Variants in RAB3D observed in about 807,000 individuals in gnomAD.
RAB3D encodes ras-related protein Rab-3D.
Under a neutral mutation model 19.3 loss-of-function variants are expected in RAB3D, and 17 were observed. That is an observed-to-expected ratio of 0.88 (90% CI 0.60 to 1.32). The LOEUF (loss-of-function observed/expected upper bound fraction) is 1.32, where lower values mean the gene tolerates loss of function less well. Among genes scored for constraint, RAB3D ranks in the 40% most tolerant of loss-of-function variants. RAB3D has a pLI of 0.00. For missense variants in RAB3D, 223 were observed against 299.1 expected, an observed-to-expected ratio of 0.75 and a Z score of 1.88; for synonymous variants, 103 against 119.9, an observed-to-expected ratio of 0.86 and a Z score of 0.92.
intron 4 of RAB3D, chr19:11,327,131 A>G (rs2147966569): frequency 5.7e-6 from 2 of 350,154 alleles, no homozygotes; most frequent in Non-Finnish European, 1.0e-5. Context: ...CCCATTTATT[A>G]TCTGTCTCCG....
At chr19:11,325,786 G>A (rs1294578314) in intron 4 of RAB3D, among the ~76,000 whole-genome samples, 2 of 152,154 alleles carry the variant, frequency 1.3e-5, no homozygotes, top group African/African-American at 2.4e-5. Flanking sequence ...ATAAAAATCT[G>A]TGGCAGGCCA....
rs769088430 is a variant in RAB3D, at chr19:11,335,565, C to T, written c.354G>A (p.Thr118=). 9.3e-6 allele frequency: 15 copies of T among 1,613,928 alleles called. No individual in the cohort carries two copies. The highest frequency in any genetic ancestry group is 4.0e-5 in the African/African-American group (3 of 74,896). Residue 118 remains threonine (T), a synonymous_variant, in exon 4 of 5, where the codon ACG becomes ACA. Coordinates refer to ENST00000222120, the MANE Select transcript of RAB3D (RefSeq NM_004283.4). ...TGTCCCAGGAGTAGGTCTTGATTTGCGTGGCCCTGCAGAGTTACCAGTGGT... is the reference window on the plus strand; with the variant it reads ...TGTCCCAGGAGTAGGTCTTGATTTGTGTGGCCCTGCAGAGTTACCAGTGGT... The part of the protein sequence containing the change: ...ESFAAVQDWA[T]QIKTYSWDNA...
At chr19:11,333,080 CTTT>C (rs754729605) in intron 4 of RAB3D, among the ~76,000 whole-genome samples, 5 of 137,140 alleles carry the variant, frequency 3.6e-5, no homozygotes, top group Non-Finnish European at 3.2e-5. Flanking sequence ...AGAAATATTT[CTTT>C]TTTTTTTTTT....
chr19:11,339,133 C>G lies in RAB3D; in HGVS notation c.-62+336G>C, dbSNP rs115899725. Among the ~76,000 whole-genome samples the G allele has an allele frequency of 8.4e-3, 1,279 of 152,304 alleles. 17 individuals are homozygous for G. Among genetic ancestry groups the G allele is most frequent in the African/African-American group, 0.029 (1,205 of 41,570 alleles). On this transcript the variant is annotated intron_variant, in intron 1 of 4. Coordinates refer to ENST00000222120, the MANE Select transcript of RAB3D (RefSeq NM_004283.4). ...AGGGCAGGGCCGCAAGGCTGGGGCCCCCACCTCCCCCAGCCTTAGCTCACC... is the reference window on the plus strand; with the variant it reads ...AGGGCAGGGCCGCAAGGCTGGGGCCGCCACCTCCCCCAGCCTTAGCTCACC...
chr19:11,328,489 A>G lies in RAB3D; in HGVS notation c.473-2904T>C, dbSNP rs560911362. ...CGGTGAAACCCCGTCTCTACTAAAA[A>G]TACAAAATTTAGCTTTGTGTGGTGG... On this transcript the variant is annotated intron_variant, in intron 4 of 4. Transcript: ENST00000222120. Among the ~76,000 whole-genome samples, 3 of 152,136 alleles carry G rather than the reference A, an allele frequency of 2.0e-5. No individual in the cohort carries two copies. The South Asian group carries it at 6.2e-4, about 32-fold the overall frequency.
At chr19:11,338,184 C>T (rs938474583) in intron 1 of RAB3D, among the ~76,000 whole-genome samples, 11 of 152,216 alleles carry the variant, frequency 7.2e-5, no homozygotes, top group African/African-American at 2.7e-4. Flanking sequence ...TTAATCTTCA[C>T]ACCCTGTGGC....
In RAB3D at chr19:11,334,027, C is replaced by G; in HGVS notation, c.472+1420G>C. ...AAAGTTTTATTGGCAAACAGTCACA[C>G]CCATTCATTTATGCATTGTCTGTGG... On this transcript the variant is annotated intron_variant, in intron 4 of 4. Transcript: ENST00000222120. Among the ~76,000 whole-genome samples the G allele has an allele frequency of 1.3e-5, 2 of 152,094 alleles. 1 individual carries two copies. The highest frequency in any genetic ancestry group is 2.9e-5 in the Non-Finnish European group (2 of 68,018).
At chr19:11,328,622 G>A (rs1286179299) in intron 4 of RAB3D, among the ~76,000 whole-genome samples, 1 of 151,778 alleles carries the variant, frequency 6.6e-6, no homozygotes, top group Non-Finnish European at 1.5e-5. Flanking sequence ...ACTCCAGCCT[G>A]GCAACAGAGC....
At chr19:11,329,538 C>T (rs879497289) in intron 4 of RAB3D, among the ~76,000 whole-genome samples, 3 of 149,668 alleles carry the variant, frequency 2.0e-5, no homozygotes, top group Non-Finnish European at 4.4e-5. Flanking sequence ...ACCTGGGAGG[C>T]GGAGGTTGCA....
rs1189322277 is a variant in RAB3D at position 11,339,657 on chromosome 19, G to A, written c.-250C>T. The A allele has an allele frequency of 6.6e-6, 1 of 152,316 alleles. No homozygotes were observed. Among genetic ancestry groups the A allele is most frequent in the Admixed American group, 6.5e-5 (1 of 15,284 alleles). 9.4% of individuals were successfully genotyped at this position (152,316 alleles called of 1,614,324 possible). A position where few individuals can be genotyped will look rare whatever the true frequency, so the allele number is the denominator to read the frequency against. On this transcript the variant is annotated 5_prime_UTR_variant, in exon 1 of 5. Transcript: ENST00000222120. ...GATCCCGCGCGGGCTCCGCCCAGAA[G>A]GCGGAGGAAGGGCCGTTCCCGGAGC...
intron 4 of RAB3D, among the ~76,000 whole-genome samples, chr19:11,328,243 A>G (rs1374954576): frequency 6.7e-6 from 1 of 149,232 alleles, no homozygotes; most frequent in East Asian, 2.0e-4. Flanking sequence ...CTGAAGCAGG[A>G]GGATCACTTG....
At chr19:11,328,118 G>A (rs1194711951) in intron 4 of RAB3D, among the ~76,000 whole-genome samples, 8 of 151,754 alleles carry the variant, frequency 5.3e-5, no homozygotes, top group Non-Finnish European at 8.8e-5. Context: ...CGGATCACTT[G>A]AGGTCTGGAG....
chr19:11,326,717 C>T (rs1031166053), intron 4 of RAB3D: 140 of 682,746 alleles, frequency 2.1e-4, no homozygotes, highest in Non-Finnish European at 1.0e-4. Flanking sequence ...GATCCTCCCG[C>T]CTTGGCCCCC....
intron 2 of RAB3D, among the ~76,000 whole-genome samples, chr19:11,336,128 C>T (rs1966893593): frequency 6.6e-6 from 1 of 152,132 alleles, no homozygotes; most frequent in South Asian, 2.1e-4. Context: ...TGGTACCATC[C>T]TGACAGGACA....
At chr19:11,334,329 G>A (rs1473150899) in intron 4 of RAB3D, among the ~76,000 whole-genome samples, 1 of 152,042 alleles carries the variant, frequency 6.6e-6, no homozygotes, top group African/African-American at 2.4e-5. Flanking sequence ...AATGAGTCAG[G>A]CATGCTGCGC....
chr19:11,324,168 C>G lies in RAB3D; in HGVS notation c.*1230G>C, dbSNP rs962416445. 14 of 152,214 alleles carry G rather than the reference C, an allele frequency of 9.2e-5. No homozygotes were observed. Among genetic ancestry groups the G allele is most frequent in the African/African-American group, 3.4e-4 (14 of 41,330 alleles). The allele number at this position is 152,214 out of a possible 1,614,324, so 9.4% of individuals were successfully genotyped here. On this transcript the variant is annotated 3_prime_UTR_variant, in exon 5 of 5. Coordinates refer to ENST00000222120, the MANE Select transcript of RAB3D (RefSeq NM_004283.4). ...CCCTTCCGCCCAACCCCCAGCATCC[C>G]TTAGAAGTGACCCCTAGTTTGAGGC...
intron 4 of RAB3D, among the ~76,000 whole-genome samples, chr19:11,327,888 A>G (rs1476172420): frequency 6.6e-6 from 1 of 152,112 alleles, no homozygotes; most frequent in East Asian, 1.9e-4. Flanking sequence ...GTCATTCAAT[A>G]GAGAAATTTA....
At chr19:11,329,714 C>T (rs1158109613) in intron 4 of RAB3D, among the ~76,000 whole-genome samples, 1 of 152,068 alleles carries the variant, frequency 6.6e-6, no homozygotes, top group African/African-American at 2.4e-5. Context: ...TACAGGCTCA[C>T]TCCATCACCC....
At position 11,326,349 on chromosome 19, in the gene RAB3D, C is replaced by A. The variant is rs190306238; in HGVS notation, c.473-764G>T. Reference sequence around the variant, plus strand: ...TGAGCCATGATCACACCACTGCACACCAGCCTGGGTGATGGAGCAAGACCC... The same window carrying A: ...TGAGCCATGATCACACCACTGCACAACAGCCTGGGTGATGGAGCAAGACCC... On this transcript the variant is annotated intron_variant, in intron 4 of 4. Coordinates refer to ENST00000222120, the MANE Select transcript of RAB3D (RefSeq NM_004283.4). 3.7e-3 allele frequency among the ~76,000 whole-genome samples: 568 copies of A among 152,282 alleles called. 9 individuals carry two copies. Among genetic ancestry groups the A allele is most frequent in the African/African-American group, 0.013 (550 of 41,564 alleles).
Sources: allele counts gnomAD v4.1 joint callset (sites outside exome capture counted in the v4.1 genomes callset), GRCh38; gene constraint gnomAD v4.1.1; transcripts MANE v1.5; gene names NCBI Gene and HGNC (gene_info 2026-07-23, HGNC 2026-07-21).